POLN: variants seen among roughly 807,000 people sequenced by gnomAD.
POLN encodes DNA polymerase nu.
A neutral mutation model predicts 113.5 loss-of-function variants in POLN; 108 were observed. That is an observed-to-expected ratio of 0.95 (90% CI 0.81 to 1.12). The LOEUF is 1.12. POLN is among the 50% of genes most tolerant of loss of function. The probability of loss-of-function intolerance (pLI) is 0.00; values close to 1 mark genes in which losing one functional copy is unlikely to be tolerated. For missense variants in POLN, 1,097 were observed against 1,077.1 expected (o/e 1.02, Z -0.26); for synonymous variants, 386 against 391.5 (o/e 0.99, Z 0.17).
rs139335198 is a variant in POLN, at chr4:2,238,730, A to G, written c.-13+2790T>C. 2.0e-5 allele frequency: 32 copies of G among 1,613,690 alleles called. No homozygotes were observed. The highest frequency in any genetic ancestry group is 2.6e-5 in the Non-Finnish European group (31 of 1,179,792). ...GTTACTTTGACTAAGTTCTTGAACC[A>G]AATTTTCAAGTTGACGATATATGTC... On this transcript the variant is annotated intron_variant, in intron 2 of 25. Coordinates refer to ENST00000511885, the MANE Select transcript of POLN (RefSeq NM_181808.4).
intron 19 of POLN, among the ~76,000 whole-genome samples, chr4:2,102,658 G>T (rs547520063): frequency 3.3e-5 from 5 of 152,254 alleles, no homozygotes; most frequent in African/African-American, 1.2e-4. Context: ...GTTGTCCCAG[G>T]GCACAAGGAC....
intron 19 of POLN, among the ~76,000 whole-genome samples, chr4:2,115,129 C>T (rs1731284497): frequency 6.6e-6 from 1 of 151,406 alleles, no homozygotes; most frequent in African/African-American, 2.4e-5. Context: ...CTCACTGCAA[C>T]CCCTCCACCT....
At position 2,155,434 on chromosome 4, in the gene POLN, C is replaced by T. The variant is rs185877767; in HGVS notation, c.1731+1354G>A. Among the ~76,000 whole-genome samples the T allele has an allele frequency of 2.2e-4, 33 of 152,294 alleles. No homozygotes were observed. In the South Asian group the frequency reaches 2.9e-3, roughly 13 times the overall value. On this transcript the variant is annotated intron_variant, in intron 16 of 25. Coordinates refer to ENST00000511885, the MANE Select transcript of POLN (RefSeq NM_181808.4). ...TGCACCCAAGAGGCCACACGATTAG[C>T]GCAAACTCACCCCATCCCAGCCTCT...
chr4:2,209,617 T>A (rs187653261), intron 4 of POLN, among the ~76,000 whole-genome samples: 4 of 151,738 alleles, frequency 2.6e-5, no homozygotes, highest in Non-Finnish European at 4.4e-5. Context: ...ATAGGACTTA[T>A]TTACGATAAC....
intron 13 of POLN, among the ~76,000 whole-genome samples, chr4:2,169,585 A>G (rs1006944575): frequency 1.3e-5 from 2 of 152,186 alleles, no homozygotes; most frequent in Admixed American, 6.5e-5. Flanking sequence ...ACACACACGC[A>G]CACACACTGA....
intron 7 of POLN, among the ~76,000 whole-genome samples, chr4:2,192,854 AAGGT>A (rs1047916443): frequency 1.4e-4 from 21 of 151,474 alleles, no homozygotes; most frequent in Non-Finnish European, 2.7e-4. Context: ...TTTTAAATAA[AAGGT>A]AGGTCCTATA....
chr4:2,175,844 G>A (rs779829766), intron 9 of POLN, among the ~76,000 whole-genome samples: 2 of 152,110 alleles, frequency 1.3e-5, no homozygotes, highest in African/African-American at 2.4e-5. Flanking sequence ...TTCTCCTTCT[G>A]GCTGGTTCCC....
At position 2,198,528 on chromosome 4, in the gene POLN, C is replaced by G. The variant is rs1237617826; in HGVS notation, c.904G>C (p.Ala302Pro). The change falls in exon 6 of 26, where the codon GCC (alanine) becomes CCC (proline). Residue 302 changes from alanine to proline, a missense_variant. By Grantham distance (27) the Ala-to-Pro change is conservative. Transcript: ENST00000511885. ...CCATGTGTGAAGATTTCTTACCGGG[C>G]AAATTGTTGATGTGCCTCCTGTTCT... ...DQEQEAHQQF[A>P]RNVLFQTMKC... 3 of 1,606,590 alleles carry G rather than the reference C, an allele frequency of 1.9e-6. No individual in the cohort carries two copies. The Admixed American group carries it at 5.1e-5, about 27-fold the overall frequency.
chr4:2,182,726 AT>A (rs1315696975), intron 7 of POLN, among the ~76,000 whole-genome samples: 1 of 152,168 alleles, frequency 6.6e-6, no homozygotes, highest in Non-Finnish European at 1.5e-5. Flanking sequence ...ATGAAAAAAA[AT>A]GAGTAAATCT....
At position 2,193,432 on chromosome 4, in the gene POLN, C is replaced by G; in HGVS notation, c.909-116G>C. 8.2e-6 allele frequency: 5 copies of G among 609,088 alleles called. No homozygotes were observed. In the South Asian group the frequency reaches 1.2e-4, roughly 14 times the overall value. The allele number at this position is 609,088 out of a possible 1,614,324, so 37.7% of individuals were successfully genotyped here. On this transcript the variant is annotated intron_variant, in intron 6 of 25. Transcript: ENST00000511885. ...CACTTAGATAGCACATACACACATT[C>G]ACTAAAGAATTCCAAGAGGTCACTG...
chr4:2,155,719 A>G (rs1483975985), intron 16 of POLN, among the ~76,000 whole-genome samples: 1 of 152,250 alleles, frequency 6.6e-6, no homozygotes, highest in African/African-American at 2.4e-5. Context: ...TCACATATTT[A>G]ATTCATATAT....
At chr4:2,141,459 C>A (rs889731307) in intron 16 of POLN, among the ~76,000 whole-genome samples, 1 of 152,124 alleles carries the variant, frequency 6.6e-6, no homozygotes, top group African/African-American at 2.4e-5. Context: ...GTCCTGTGTC[C>A]CCAGCTGTGG....
Position 2,075,307 on chromosome 4 carries a change from C to T in POLN, c.2455+145G>A, listed in dbSNP as rs568006870. On this transcript the variant is annotated intron_variant, in intron 24 of 25. Coordinates refer to ENST00000511885, the MANE Select transcript of POLN (RefSeq NM_181808.4). ...GGCTGGCCCCTCTGCCTGCCAGGAC[C>T]CAGGTGACACAGCAGCAATGAGGTG... 5.2e-4 allele frequency: 478 copies of T among 919,118 alleles called. 3 individuals carry two copies. The African/African-American group carries it at 6.8e-3, about 13-fold the overall frequency. The allele number at this position is 919,118 out of a possible 1,614,324, so 56.9% of individuals were successfully genotyped here. A position where few individuals can be genotyped will look rare whatever the true frequency, so the allele number is the denominator to read the frequency against.
chr4:2,240,060 C>T (rs1399640395), intron 2 of POLN: 1 of 1,613,358 alleles, frequency 6.2e-7, no homozygotes, highest in Non-Finnish European at 8.5e-7. Flanking sequence ...GCTGTGAAGA[C>T]TCTCCTCTGC....
chr4:2,223,987 C>T (rs1734323888), intron 3 of POLN, among the ~76,000 whole-genome samples: 1 of 152,008 alleles, frequency 6.6e-6, no homozygotes, highest in Non-Finnish European at 1.5e-5. Context: ...ATAAATTAAC[C>T]TCAATGTACT....
At chr4:2,082,084 A>G (rs936836748) in intron 21 of POLN, among the ~76,000 whole-genome samples, 10 of 150,594 alleles carry the variant, frequency 6.6e-5, no homozygotes, top group Non-Finnish European at 1.3e-4. Context: ...CCTCCTGAGT[A>G]GCTGGGATTA....
intron 16 of POLN, among the ~76,000 whole-genome samples, chr4:2,144,869 T>C (rs1203457052): frequency 6.6e-6 from 1 of 152,214 alleles, no homozygotes; most frequent in Non-Finnish European, 1.5e-5. Flanking sequence ...AACGGAACGA[T>C]GACCACGTTA....
intron 7 of POLN, among the ~76,000 whole-genome samples, chr4:2,189,592 T>C (rs368571879): frequency 6.6e-6 from 1 of 151,190 alleles, no homozygotes; most frequent in South Asian, 2.1e-4. Flanking sequence ...TAAGCCAAGA[T>C]TGTGCCACTG....
At chr4:2,118,173 T>A (rs1020261271) in intron 19 of POLN, among the ~76,000 whole-genome samples, 1 of 152,248 alleles carries the variant, frequency 6.6e-6, no homozygotes, top group Non-Finnish European at 1.5e-5. Context: ...TACCCTTTTT[T>A]ACTCTCTTTT....
Sources: allele counts gnomAD v4.1 joint callset (sites outside exome capture counted in the v4.1 genomes callset), GRCh38; gene constraint gnomAD v4.1.1; transcripts MANE v1.5; gene names NCBI Gene and HGNC (gene_info 2026-07-23, HGNC 2026-07-21).